SQOR: variants seen among roughly 807,000 people sequenced by gnomAD.
SQOR encodes the protein sulfide quinone oxidoreductase, also known as sulfide:quinone oxidoreductase, mitochondrial.
Under a neutral mutation model 48.6 loss-of-function variants are expected in SQOR, and 39 were observed. The ratio of observed to expected loss-of-function variants is 0.80; its 90% CI spans 0.62 to 1.05. The LOEUF is 1.05. Among genes scored for constraint, SQOR ranks in the 50% least tolerant of loss-of-function variants. The probability of loss-of-function intolerance (pLI) is 0.00; values close to 1 mark genes in which losing one functional copy is unlikely to be tolerated. For synonymous variants in SQOR, 220 were observed against 206.2 expected, an observed-to-expected ratio of 1.07 and a Z score of -0.57; for missense variants, 561 against 559.9, an observed-to-expected ratio of 1.00 and a Z score of -0.02.
chr15:45,638,521 G>C (rs1187409458), intron 1 of SQOR, among the ~76,000 whole-genome samples: 1 of 152,146 alleles, frequency 6.6e-6, no homozygotes, highest in Non-Finnish European at 1.5e-5. Flanking sequence ...CTGGGAGTTT[G>C]AGGCCAGCCT....
chr15:45,653,888 G>A (rs1889543878), intron 1 of SQOR, among the ~76,000 whole-genome samples: 1 of 152,158 alleles, frequency 6.6e-6, no homozygotes, highest in Admixed American at 6.6e-5. Flanking sequence ...TGTAATCCCA[G>A]CACTTTGGAC....
At chr15:45,689,349 T>C (rs1019750461) in intron 9 of SQOR, 132 bp downstream of exon 9, 4 of 747,380 alleles carry the variant, frequency 5.4e-6, no homozygotes, top group African/African-American at 3.5e-5. Flanking sequence ...AGGCCCTCTT[T>C]TGCTGCTGGA....
At chr15:45,681,146 T>C (rs546992126) in intron 6 of SQOR, among the ~76,000 whole-genome samples, 1 of 152,314 alleles carries the variant, frequency 6.6e-6, no homozygotes, top group South Asian at 2.1e-4. Context: ...GAGGCTGTAG[T>C]GAGCTATGAT....
chr15:45,676,260 GA>G lies in SQOR; in HGVS notation c.815del (p.Glu272GlyfsTer15), dbSNP rs776707191. The G allele has an allele frequency of 1.2e-6, 2 of 1,614,118 alleles. No individual in the cohort carries two copies. Among genetic ancestry groups the G allele is most frequent in the South Asian group, 2.2e-5 (2 of 91,088 alleles). On this transcript the variant is annotated frameshift_variant, in exon 6 of 10. Coordinates refer to ENST00000260324, the MANE Select transcript of SQOR (RefSeq NM_021199.4). LOFTEE classifies it high-confidence loss of function. The stretch of plus-strand genomic sequence containing the variant: ...CATTGAAGTCCGAGCCGATAAACAA[GA>G]GGCTGTATTTGAGAACCTGGACAAA... The part of the protein sequence containing the change: ...NLIEVRADKQ[E>X]AVFENLDKPG...
chr15:45,637,990 A>G (rs1033786956), intron 1 of SQOR, among the ~76,000 whole-genome samples: 5 of 152,236 alleles, frequency 3.3e-5, no homozygotes, highest in Non-Finnish European at 5.9e-5. Flanking sequence ...GAAGCCAACT[A>G]GTTGCTTCTT....
At chr15:45,653,973 T>G (rs1368414697) in intron 1 of SQOR, among the ~76,000 whole-genome samples, 5 of 151,984 alleles carry the variant, frequency 3.3e-5, no homozygotes, top group Non-Finnish European at 5.9e-5. Context: ...AATACCAAAA[T>G]TAGCCAGGCA....
At chr15:45,638,211 G>C (rs1566912877) in intron 1 of SQOR, among the ~76,000 whole-genome samples, 1 of 152,172 alleles carries the variant, frequency 6.6e-6, no homozygotes, top group East Asian at 1.9e-4. Context: ...TGTAACTTTG[G>C]GAAGGGCAAA....
chr15:45,644,790 G>A (rs925411255), intron 1 of SQOR, among the ~76,000 whole-genome samples: 1 of 152,196 alleles, frequency 6.6e-6, no homozygotes, highest in Non-Finnish European at 1.5e-5. Flanking sequence ...TTCATGAGCT[G>A]CCTATAGTTG....
intron 1 of SQOR, among the ~76,000 whole-genome samples, chr15:45,651,853 T>C (rs1281550664): frequency 2.0e-5 from 3 of 152,068 alleles, no homozygotes; most frequent in Non-Finnish European, 2.9e-5. Flanking sequence ...TAATTCTTCT[T>C]CTTCTTCTCC....
intron 7 of SQOR, among the ~76,000 whole-genome samples, chr15:45,686,903 G>A (rs148336336): frequency 8.5e-5 from 13 of 152,174 alleles, no homozygotes; most frequent in African/African-American, 2.4e-4. Flanking sequence ...CTCTGCCTCC[G>A]GATTCAATCT....
In SQOR at chr15:45,645,618, GTTC is replaced by G. The variant is rs570316596; in HGVS notation, c.-18+10515_-18+10517del. Among the ~76,000 whole-genome samples, 26 of 152,318 alleles carry G rather than the reference GTTC, an allele frequency of 1.7e-4. 1 individual carries two copies. In the South Asian group the frequency reaches 2.5e-3, roughly 15 times the overall value. On this transcript the variant is annotated intron_variant, in intron 1 of 9. Coordinates refer to ENST00000260324, the MANE Select transcript of SQOR (RefSeq NM_021199.4). ...GTGTCTTGGAGCTGGGATATCGGATGTTCTTCTGTGTTGAGAGTCAACTGAAAC... is the reference window on the plus strand; with the variant it reads ...GTGTCTTGGAGCTGGGATATCGGATGTTCTGTGTTGAGAGTCAACTGAAAC...
intron 1 of SQOR, among the ~76,000 whole-genome samples, chr15:45,650,502 G>T (rs559526345): frequency 6.6e-6 from 1 of 152,164 alleles, no homozygotes; most frequent in Non-Finnish European, 1.5e-5. Flanking sequence ...CTCAAAGAGC[G>T]AGCAACAGCA....
chr15:45,634,226 T>TATATATATATATATATATATATATATATA (rs1555399817), upstream of SQOR, among the ~76,000 whole-genome samples: 1 of 33,572 alleles, frequency 3.0e-5, no homozygotes, highest in Non-Finnish European at 6.2e-5. Flanking sequence ...ATATATATAT[T>TATATATATATATATATATATATATATATA]CAAAATTCAT....
chr15:45,668,695 G>A (rs186578481), intron 3 of SQOR, among the ~76,000 whole-genome samples: 3 of 152,324 alleles, frequency 2.0e-5, no homozygotes, highest in East Asian at 3.9e-4. Context: ...CTCCAACTGC[G>A]ATTCGCTCGG....
intron 7 of SQOR, among the ~76,000 whole-genome samples, chr15:45,685,680 C>A (rs72715096): frequency 0.065 from 9,896 of 152,212 alleles, 410 homozygotes; most frequent in Middle Eastern, 0.13. Context: ...GTCTCCACTC[C>A]TTTTCCATTG....
At chr15:45,674,896 C>G (rs552166036) in intron 5 of SQOR, among the ~76,000 whole-genome samples, 13 of 152,050 alleles carry the variant, frequency 8.5e-5, no homozygotes, top group African/African-American at 2.9e-4. Flanking sequence ...TGTATGGGGA[C>G]AGATGGGAAG....
intron 1 of SQOR, among the ~76,000 whole-genome samples, chr15:45,642,968 G>T (rs1379020414): frequency 1.3e-5 from 2 of 152,138 alleles, no homozygotes; most frequent in Non-Finnish European, 2.9e-5. Context: ...TAGCCCATGT[G>T]AAACTGGTTT....
chr15:45,659,022 C>T lies in SQOR; in HGVS notation c.99C>T (p.His33=). ...AGCAGGTCGGCCCCCTTCAGCTGCA[C>T]ACCGGGGCCAGCCATGCGGCCAGGA... is the stretch of plus-strand genomic sequence containing the variant. ...GTQQVGPLQL[H]TGASHAARNH... Residue 33 remains histidine (H), a synonymous_variant, in exon 2 of 10, where the codon CAC becomes CAT. Coordinates refer to ENST00000260324, the MANE Select transcript of SQOR (RefSeq NM_021199.4). 6.2e-7 allele frequency: 1 copy of T among 1,602,502 alleles called. No individual in the cohort carries two copies. Among genetic ancestry groups the T allele is most frequent in the Non-Finnish European group, 8.5e-7 (1 of 1,174,864 alleles).
At chr15:45,665,417 C>G (rs1313779938) in intron 3 of SQOR, among the ~76,000 whole-genome samples, 1 of 152,192 alleles carries the variant, frequency 6.6e-6, no homozygotes, top group African/African-American at 2.4e-5. Flanking sequence ...ATTTATGACT[C>G]TGTCAATCCA....
Sources: gnomAD v4.1 joint callset for allele counts (sites outside exome capture counted in the v4.1 genomes callset) on GRCh38, gnomAD v4.1.1 for gene constraint, MANE v1.5 for transcripts, NCBI Gene and HGNC (gene_info 2026-07-23, HGNC 2026-07-21) for gene names.